Variants in ATPAF1 observed in about 807,000 individuals in gnomAD.
ATPAF1 encodes homolog of yeast ATP11.
In ATPAF1, 26 loss-of-function variants were observed where a neutral mutation model predicts 43.9. The ratio of observed to expected loss-of-function variants is 0.59; its 90% CI spans 0.43 to 0.82. ATPAF1 has a LOEUF of 0.82. Among genes scored for constraint, ATPAF1 ranks in the 40% least tolerant of loss-of-function variants. The probability of loss-of-function intolerance (pLI) is 0.00; values close to 1 mark genes in which losing one functional copy is unlikely to be tolerated. For missense variants in ATPAF1, 366 were observed against 435.0 expected (o/e 0.84, Z 1.41); for synonymous variants, 157 against 168.0 (o/e 0.93, Z 0.50).
intron 4 of ATPAF1, among the ~76,000 whole-genome samples, chr1:46,654,501 C>T (rs146738770): frequency 1.4e-5 from 2 of 147,790 alleles, no homozygotes; most frequent in African/African-American, 5.1e-5. Context: ...TAAAGATATA[C>T]CTGAGACTGG....
At chr1:46,665,408 G>A in intron 1 of ATPAF1, 44 bp from the exon 2 acceptor site, 1 of 1,569,216 alleles carries the variant, frequency 6.4e-7, no homozygotes, top group Non-Finnish European at 8.7e-7. Context: ...GGGCCTTTTT[G>A]AATTCTAAAA....
At chr1:46,648,848 G>A (rs1676106583) in intron 6 of ATPAF1, among the ~76,000 whole-genome samples, 1 of 151,914 alleles carries the variant, frequency 6.6e-6, no homozygotes, top group Non-Finnish European at 1.5e-5. Flanking sequence ...GTGTGGTGGT[G>A]GGCTCATGTA....
intron 8 of ATPAF1, among the ~76,000 whole-genome samples, chr1:46,641,441 AC>A (rs1416361398): frequency 1.3e-5 from 2 of 152,064 alleles, no homozygotes; most frequent in East Asian, 3.9e-4. Flanking sequence ...AACAAAAGAT[AC>A]CCTTGGGCGC....
chr1:46,668,146 GC>G lies in ATPAF1; in HGVS notation c.176del (p.Gly59AlafsTer76). On this transcript the variant is annotated frameshift_variant, in exon 1 of 9. Transcript: ENST00000574428. LOFTEE classifies it high-confidence loss of function. The surrounding 1 kb of genome is among the most constrained non-coding windows in gnomAD (Gnocchi z 4.4). ...CGGCCCCGACCCCGCTGCTGTCGGC[GC>G]CCCCCTCGGGCCGGCCCGAGCCGGG... 12 of 1,397,646 alleles carry G rather than the reference GC, an allele frequency of 8.6e-6. No individual in the cohort carries two copies. Among genetic ancestry groups the G allele is most frequent in the South Asian group, 4.7e-5 (3 of 63,240 alleles). The allele number at this position is 1,397,646 out of a possible 1,614,324, so 86.6% of individuals were successfully genotyped here. A position where few individuals can be genotyped will look rare whatever the true frequency, so the allele number is the denominator to read the frequency against.
At chr1:46,636,023 C>G (rs762535218) in intron 8 of ATPAF1, 53 bp from the exon 9 acceptor site, 1 of 1,592,042 alleles carries the variant, frequency 6.3e-7, no homozygotes, top group East Asian at 2.2e-5. Context: ...CCACAAAGCT[C>G]TTGTCTGAAT....
chr1:46,642,097 T>A (rs996586644), intron 8 of ATPAF1, among the ~76,000 whole-genome samples: 2 of 152,218 alleles, frequency 1.3e-5, no homozygotes, highest in Non-Finnish European at 2.9e-5. Flanking sequence ...TCTCAGTTAA[T>A]GGCAATTCCA....
chr1:46,636,899 A>C (rs1414011010), intron 8 of ATPAF1, among the ~76,000 whole-genome samples: 1 of 152,204 alleles, frequency 6.6e-6, no homozygotes, highest in African/African-American at 2.4e-5. Context: ...CGACAAAGAC[A>C]TGAGGCCTCT....
At chr1:46,665,770 C>T in intron 1 of ATPAF1, 1 of 1,505,322 alleles carries the variant, frequency 6.6e-7, no homozygotes, top group Non-Finnish European at 8.8e-7. Context: ...AAATATGTCC[C>T]CCCAACCAGG....
intron 4 of ATPAF1, among the ~76,000 whole-genome samples, chr1:46,655,141 G>A (rs1021925883): frequency 7.2e-5 from 11 of 152,124 alleles, no homozygotes; most frequent in Non-Finnish European, 1.5e-4. Flanking sequence ...GGAACAGCAT[G>A]GAGGTAACTG....
intron 8 of ATPAF1, among the ~76,000 whole-genome samples, chr1:46,642,594 G>A (rs1344541949): frequency 6.6e-6 from 1 of 152,136 alleles, no homozygotes; most frequent in East Asian, 1.9e-4. Context: ...TATAAATGAT[G>A]AATGTTGTAT....
intron 8 of ATPAF1, among the ~76,000 whole-genome samples, chr1:46,638,482 C>T (rs926481992): frequency 6.6e-6 from 1 of 151,844 alleles, no homozygotes; most frequent in Non-Finnish European, 1.5e-5. Context: ...ATTAGCTGGG[C>T]GTGGTGGTGG....
chr1:46,657,357 T>C (rs1458292525), intron 4 of ATPAF1, among the ~76,000 whole-genome samples: 1 of 152,140 alleles, frequency 6.6e-6, no homozygotes, highest in African/African-American at 2.4e-5. Flanking sequence ...ACAGGCAGGA[T>C]AGCTCATGAG....
At chr1:46,645,225 T>C in exon 7 of ATPAF1, 1 of 1,613,814 alleles carries the variant, frequency 6.2e-7, no homozygotes, top group Non-Finnish European at 8.5e-7. Context: ...AAAAAACTCA[T>C]AACCTTCCCT....
chr1:46,637,593 A>G (rs1235642289), intron 8 of ATPAF1, among the ~76,000 whole-genome samples: 1 of 152,170 alleles, frequency 6.6e-6, no homozygotes, highest in Non-Finnish European at 1.5e-5. Flanking sequence ...ACTTACTGCC[A>G]AAAGTGTGCT....
At chr1:46,664,270 C>T (rs969485507) in intron 2 of ATPAF1, among the ~76,000 whole-genome samples, 78 of 152,124 alleles carry the variant, frequency 5.1e-4, no homozygotes, top group African/African-American at 1.7e-3. Flanking sequence ...CCAGAGACGG[C>T]GCTAAAGAGT....
At chr1:46,658,248 A>C in intron 3 of ATPAF1, 59 bp from the exon 4 acceptor site, 1 of 1,256,358 alleles carries the variant, frequency 8.0e-7, no homozygotes, top group Non-Finnish European at 1.1e-6. Context: ...AAAACAGCTT[A>C]ACTCTATCTC....
intron 1 of ATPAF1, 78 bp from the exon 2 acceptor site, chr1:46,665,442 C>T (rs1342525578): frequency 6.8e-7 from 1 of 1,466,564 alleles, no homozygotes; most frequent in East Asian, 2.4e-5. Context: ...CTTTCCACCT[C>T]TACAGAGAAA....
chr1:46,634,397 A>C (rs1675799219), downstream of ATPAF1: 1 of 153,252 alleles, frequency 6.5e-6, no homozygotes, highest in African/African-American at 2.4e-5. Flanking sequence ...GGATCACTTG[A>C]GGCCAGGAGT....
intron 2 of ATPAF1, chr1:46,663,812 C>A (rs1676441153): frequency 1.7e-6 from 2 of 1,164,182 alleles, no homozygotes; most frequent in Non-Finnish European, 2.2e-6. Context: ...ATGTAGAATC[C>A]CAATTTTCTA....
Sources: allele counts gnomAD v4.1 joint callset (sites outside exome capture counted in the v4.1 genomes callset), GRCh38; gene constraint gnomAD v4.1.1; non-coding constraint Gnocchi (gnomAD v3.1); transcripts MANE v1.5; gene names NCBI Gene and HGNC (gene_info 2026-07-23, HGNC 2026-07-21).